PHF12: variants seen among roughly 807,000 people sequenced by gnomAD.
PHF12 encodes the protein PHD factor 1.
PHF12 carries 6 observed loss-of-function variants against 99.8 expected under a neutral mutation model. That is an observed-to-expected ratio of 0.06 (90% CI 0.03 to 0.12). The LOEUF is 0.12. Ranked by LOEUF, PHF12 falls within the 10% of genes least tolerant of loss-of-function variation. The pLI, the probability that PHF12 is intolerant of heterozygous loss-of-function variation, is 1.00. For missense variants in PHF12, 954 were observed against 1,300.1 expected (o/e 0.73, Z 4.09); for synonymous variants, 480 against 514.9 (o/e 0.93, Z 0.92).
intron 2 of PHF12, among the ~76,000 whole-genome samples, chr17:28,931,833 C>T (rs546454639): frequency 7.9e-5 from 12 of 152,216 alleles, no homozygotes; most frequent in South Asian, 4.2e-4. Flanking sequence ...CTGCCTACCT[C>T]GGCCTCCCAA....
Position 28,905,970 on chromosome 17 carries a change from A to G in PHF12, c.*213T>C. ...TCTGCCGCTTTCCCATGAAATGTTG[A>G]GTACAAATATATGTGCAAATGCCCC... On this transcript the variant is annotated 3_prime_UTR_variant, in exon 15 of 15. Coordinates refer to ENST00000332830, the MANE Select transcript of PHF12 (RefSeq NM_001033561.2). 1 of 506,184 alleles carries G rather than the reference A, an allele frequency of 2.0e-6. No homozygotes were observed. The highest frequency in any genetic ancestry group is 3.4e-6 in the Non-Finnish European group (1 of 297,764). 31.4% of individuals were successfully genotyped at this position (506,184 alleles called of 1,614,324 possible).
intron 2 of PHF12, among the ~76,000 whole-genome samples, chr17:28,929,087 C>A (rs912333234): frequency 6.6e-6 from 1 of 150,566 alleles, no homozygotes; most frequent in African/African-American, 2.4e-5. Context: ...CAGAGTGAGA[C>A]TCTGTCTCAA....
chr17:28,929,808 G>C (rs947209111), intron 2 of PHF12: 1 of 152,122 alleles, frequency 6.6e-6, no homozygotes, highest in African/African-American at 2.4e-5. Flanking sequence ...AGGACCACAG[G>C]TGAATGTCAC....
At chr17:28,909,967 C>G (rs999732735) in intron 11 of PHF12, 1 of 642,338 alleles carries the variant, frequency 1.6e-6, no homozygotes, top group African/African-American at 1.8e-5. Context: ...GTACTGGTAG[C>G]TGCTTTGCTG....
At chr17:28,921,621 G>A in intron 5 of PHF12, 67 bp downstream of exon 5, 1 of 1,556,550 alleles carries the variant, frequency 6.4e-7, no homozygotes, top group South Asian at 1.1e-5. Flanking sequence ...GTCTGGAAGA[G>A]GTGATGAGAG....
At chr17:28,907,924 G>C in intron 12 of PHF12, 1 of 384,174 alleles carries the variant, frequency 2.6e-6, no homozygotes, top group Non-Finnish European at 4.9e-6. Flanking sequence ...CAGAAGGGAA[G>C]AGTGAGCTAC....
At chr17:28,939,282 T>TA (rs1301833903) in intron 2 of PHF12, among the ~76,000 whole-genome samples, 2 of 152,170 alleles carry the variant, frequency 1.3e-5, no homozygotes, top group Non-Finnish European at 2.9e-5. Flanking sequence ...AAGCCAAAAT[T>TA]ACTGACAACT....
chr17:28,950,871 GGAGAT>G lies in PHF12; in HGVS notation c.66+19_66+23del. ...AGGTTCCCTCCCGGCGCTGGAGGAA[GGAGAT>G]GAGGAGGGCCACTCTTACCTCCATC... On this transcript the variant is annotated intron_variant, in intron 1 of 14. Coordinates refer to ENST00000332830, the MANE Select transcript of PHF12 (RefSeq NM_001033561.2). The surrounding 1 kb of genome is among the most constrained non-coding windows in gnomAD (Gnocchi z 5.7). 6.2e-7 allele frequency: 1 copy of G among 1,611,784 alleles called. No homozygotes were observed. The highest frequency in any genetic ancestry group is 1.1e-5 in the South Asian group (1 of 90,908).
chr17:28,923,654 A>AAAAAAAAAAAAAAAAAAAC (rs2040209372), intron 4 of PHF12, among the ~76,000 whole-genome samples: 1 of 96,688 alleles, frequency 1.0e-5, no homozygotes, highest in Non-Finnish European at 2.1e-5. Context: ...TGAGACTCAC[A>AAAAAAAAAAAAAAAAAAAC]AAAAAAAAAA....
chr17:28,949,947 C>A lies in PHF12; in HGVS notation c.248+118G>T. 8.1e-7 allele frequency: 1 copy of A among 1,232,760 alleles called. No homozygotes were observed. Among genetic ancestry groups the A allele is most frequent in the African/African-American group, 1.5e-5 (1 of 65,576 alleles). The allele number at this position is 1,232,760 out of a possible 1,614,324, so 76.4% of individuals were successfully genotyped here. A position where few individuals can be genotyped will look rare whatever the true frequency, so the allele number is the denominator to read the frequency against. On this transcript the variant is annotated intron_variant, in intron 2 of 14. Coordinates refer to ENST00000332830, the MANE Select transcript of PHF12 (RefSeq NM_001033561.2). This position sits in a 1 kb window ranked among gnomAD's most constrained non-coding sequence, Gnocchi z 4.6. The stretch of plus-strand genomic sequence containing the variant: ...GGGGAGGTGCTCGCCCCGGCAGCTG[C>A]AGAAAGTCAGCTAGCGGCTGCAAGC...
At chr17:28,942,347 C>G (rs941299404) in intron 2 of PHF12, among the ~76,000 whole-genome samples, 1 of 151,768 alleles carries the variant, frequency 6.6e-6, no homozygotes, top group Non-Finnish European at 1.5e-5. Flanking sequence ...CAGTGAGACC[C>G]TATCTCTACA....
chr17:28,921,923 C>G (rs143601830), intron 4 of PHF12, 115 bp from the exon 5 acceptor site: 1 of 1,406,092 alleles, frequency 7.1e-7, no homozygotes, highest in African/African-American at 1.4e-5. Context: ...ATGGCCTAAG[C>G]ATGAATTGCT....
chr17:28,950,843 C>T lies in PHF12; in HGVS notation c.66+52G>A. On this transcript the variant is annotated intron_variant, in intron 1 of 14. Transcript: ENST00000332830. The surrounding 1 kb of genome is among the most constrained non-coding windows in gnomAD (Gnocchi z 5.7). The stretch of plus-strand genomic sequence containing the variant: ...AGGACTGGCTTTGTGGGGCGGAGGG[C>T]GGAGGTTCCCTCCCGGCGCTGGAGG... 6 of 1,605,418 alleles carry T rather than the reference C, an allele frequency of 3.7e-6. No individual in the cohort carries two copies. Among genetic ancestry groups the T allele is most frequent in the African/African-American group, 1.3e-5 (1 of 74,546 alleles).
chr17:28,942,836 A>AAAAT (rs966825755), intron 2 of PHF12, among the ~76,000 whole-genome samples: 99 of 151,992 alleles, frequency 6.5e-4, no homozygotes, highest in African/African-American at 1.7e-3. Flanking sequence ...TAAGTAAAAT[A>AAAAT]AAATAAATAA....
chr17:28,947,524 GCCGAGATTGCA>G (rs2040741370), intron 2 of PHF12, among the ~76,000 whole-genome samples: 1 of 151,888 alleles, frequency 6.6e-6, no homozygotes. Flanking sequence ...GTTGCAATAA[GCCGAGATTGCA>G]CCACTGCACT....
chr17:28,916,496 A>G (rs2040065129), intron 7 of PHF12, among the ~76,000 whole-genome samples: 1 of 152,182 alleles, frequency 6.6e-6, no homozygotes, highest in South Asian at 2.1e-4. Flanking sequence ...GCGCCTGGCC[A>G]GTGTGATTGA....
intron 11 of PHF12, chr17:28,909,593 T>C (rs767980935): frequency 6.5e-6 from 1 of 153,304 alleles, no homozygotes; most frequent in African/African-American, 2.4e-5. Flanking sequence ...TATTTATTTA[T>C]TTACTTATTT....
At position 28,913,084 on chromosome 17, in the gene PHF12, C is replaced by G. The variant is rs1361265470; in HGVS notation, c.1487G>C (p.Cys496Ser). Residue 496 changes from cysteine (C) to serine (S), a missense_variant, in exon 9 of 15, where the codon TGC becomes TCC. Cys to Ser is a moderately radical substitution (Grantham distance 112). Around this residue, in one of 8 missense-constraint regions of PHF12, gnomAD observed 392 missense variants for 423.1 expected, o/e 0.93. Coordinates refer to ENST00000332830, the MANE Select transcript of PHF12 (RefSeq NM_001033561.2). ...ATTCTGGGTGCTAATCCCTGAGGGG[C>G]AGGACAAGGGGTAGTGGGAAGGTGT... ...TPTPSHYPLSCPSGISTQNSL... is the reference protein window; with the variant it reads ...TPTPSHYPLSSPSGISTQNSL... The G allele has an allele frequency of 1.9e-6, 3 of 1,614,088 alleles. No individual in the cohort carries two copies. The highest frequency in any genetic ancestry group is 2.2e-5 in the South Asian group (2 of 91,082).
intron 4 of PHF12, 82 bp downstream of exon 4, chr17:28,923,823 CAGTG>C: frequency 1.4e-6 from 2 of 1,450,058 alleles, no homozygotes; most frequent in Non-Finnish European, 1.8e-6. Flanking sequence ...GCTACATGAA[CAGTG>C]ACTCCACAGG....
Sources: allele counts gnomAD v4.1 joint callset (sites outside exome capture counted in the v4.1 genomes callset), GRCh38; gene constraint gnomAD v4.1.1; regional missense constraint gnomAD v4.1.1; non-coding constraint Gnocchi (gnomAD v3.1); transcripts MANE v1.5; gene names NCBI Gene and HGNC (gene_info 2026-07-23, HGNC 2026-07-21).